SLIT2: variants seen among roughly 807,000 people sequenced by gnomAD.
SLIT2 encodes the protein slit homolog 2 protein.
Under a neutral mutation model 185.7 loss-of-function variants are expected in SLIT2, and 41 were observed. That is an observed-to-expected ratio of 0.22 (90% CI 0.17 to 0.29). SLIT2 has a LOEUF of 0.29. Among genes scored for constraint, SLIT2 ranks in the 10% least tolerant of loss-of-function variants. The probability of loss-of-function intolerance (pLI) is 1.00; values close to 1 mark genes in which losing one functional copy is unlikely to be tolerated. For missense variants in SLIT2, 1,571 were observed against 1,909.0 expected (o/e 0.82, Z 3.30); for synonymous variants, 693 against 680.2 (o/e 1.02, Z -0.29).
At chr4:20,553,478 G>T (rs1268573746) in intron 25 of SLIT2, among the ~76,000 whole-genome samples, 1 of 152,190 alleles carries the variant, frequency 6.6e-6, no homozygotes, top group East Asian at 1.9e-4. Flanking sequence ...ATTGGTGAAT[G>T]AAATAGTAAT....
chr4:20,269,009 T>C, intron 4 of SLIT2, 128 bp downstream of exon 4: 2 of 640,322 alleles, frequency 3.1e-6, no homozygotes, highest in Non-Finnish European at 5.6e-6. Context: ...TAAAAGTTTG[T>C]GTTTTTTCTT....
chr4:20,544,619 T>G (rs149274362), intron 21 of SLIT2, among the ~76,000 whole-genome samples: 17 of 152,150 alleles, frequency 1.1e-4, no homozygotes, highest in Non-Finnish European at 2.4e-4. Flanking sequence ...GAATCCTTCT[T>G]AGCAGTAACA....
At chr4:20,260,333 T>A (rs1438690771) in intron 3 of SLIT2, among the ~76,000 whole-genome samples, 1 of 151,818 alleles carries the variant, frequency 6.6e-6, no homozygotes, top group African/African-American at 2.4e-5. Context: ...ATATGGTTTT[T>A]AAGAATTTAG....
intron 29 of SLIT2, among the ~76,000 whole-genome samples, chr4:20,578,206 T>A (rs1726230345): frequency 6.6e-6 from 1 of 152,192 alleles, no homozygotes; most frequent in Admixed American, 6.6e-5. Flanking sequence ...CCAGCACTAG[T>A]TTGTGCCACT....
chr4:20,292,268 G>C (rs1005952873), intron 4 of SLIT2, among the ~76,000 whole-genome samples: 2 of 152,196 alleles, frequency 1.3e-5, no homozygotes, highest in Non-Finnish European at 2.9e-5. Flanking sequence ...GACACGTTTT[G>C]TGTCTGAACA....
intron 26 of SLIT2, among the ~76,000 whole-genome samples, chr4:20,565,882 C>T (rs956806886): frequency 5.3e-5 from 8 of 152,006 alleles, no homozygotes; most frequent in Non-Finnish European, 1.0e-4. Flanking sequence ...CTACAGGACA[C>T]TATCATTTTC....
In SLIT2 at chr4:20,510,171, T is replaced by C. The variant is rs748274075; in HGVS notation, c.915-324T>C. On this transcript the variant is annotated intron_variant, in intron 9 of 36. Transcript: ENST00000504154. ...TATTTCTACCTATTTCTCTAACTTA[T>C]ATTAAGTTAATTAAAATGTACTCCT... is the stretch of plus-strand genomic sequence containing the variant. 4.0e-5 allele frequency among the ~76,000 whole-genome samples: 4 copies of C among 100,780 alleles called. No homozygotes were observed. The South Asian group carries it at 8.5e-4, about 21-fold the overall frequency. 66.1% of individuals were successfully genotyped at this position (100,780 alleles called of 152,430 possible). A position where few individuals can be genotyped will look rare whatever the true frequency, so the allele number is the denominator to read the frequency against.
chr4:20,495,384 G>A (rs1342915089), intron 9 of SLIT2, among the ~76,000 whole-genome samples: 11 of 152,112 alleles, frequency 7.2e-5, no homozygotes, highest in African/African-American at 9.7e-5. Flanking sequence ...ACACAGGAGC[G>A]AATTGGTCAA....
chr4:20,459,234 C>T (rs80011284), intron 4 of SLIT2, among the ~76,000 whole-genome samples: 17 of 151,804 alleles, frequency 1.1e-4, no homozygotes, highest in Non-Finnish European at 2.4e-4. Context: ...TATTCCATAT[C>T]GAATTTTATT....
At chr4:20,432,806 T>C (rs1729091157) in intron 4 of SLIT2, among the ~76,000 whole-genome samples, 1 of 152,150 alleles carries the variant, frequency 6.6e-6, no homozygotes, top group African/African-American at 2.4e-5. Flanking sequence ...ATTGCAAAAA[T>C]AAATCTTGAA....
intron 4 of SLIT2, among the ~76,000 whole-genome samples, chr4:20,420,735 A>G (rs1577623464): frequency 6.6e-6 from 1 of 152,114 alleles, no homozygotes; most frequent in Non-Finnish European, 1.5e-5. Context: ...CTAACCTCCA[A>G]TGCAGTGGTA....
chr4:20,421,945 C>T (rs1728203387), intron 4 of SLIT2, among the ~76,000 whole-genome samples: 1 of 152,122 alleles, frequency 6.6e-6, no homozygotes. Context: ...TAGGGATCTA[C>T]AGGAATTGTT....
At chr4:20,340,644 G>A (rs1258924056) in intron 4 of SLIT2, among the ~76,000 whole-genome samples, 3 of 151,858 alleles carry the variant, frequency 2.0e-5, no homozygotes, top group Non-Finnish European at 2.9e-5. Context: ...TCTGTCCCCC[G>A]GGCTGGAGTG....
At position 20,595,852 on chromosome 4, in the gene SLIT2, T is replaced by C; in HGVS notation, c.3320+18T>C. Reference sequence around the variant, plus strand: ...GGTTACAGGTAAAAGCAGAAATGAATAAGACCTAGTGTTCAATAAGACCTA... The same window carrying C: ...GGTTACAGGTAAAAGCAGAAATGAACAAGACCTAGTGTTCAATAAGACCTA... On this transcript the variant is annotated intron_variant, in intron 31 of 36. Coordinates refer to ENST00000504154, the MANE Select transcript of SLIT2 (RefSeq NM_004787.4). The C allele has an allele frequency of 6.2e-7, 1 of 1,609,722 alleles. No individual in the cohort carries two copies. The highest frequency in any genetic ancestry group is 1.3e-5 in the African/African-American group (1 of 74,950).
chr4:20,563,050 G>A (rs1317859340), intron 26 of SLIT2, among the ~76,000 whole-genome samples: 1 of 151,776 alleles, frequency 6.6e-6, no homozygotes, highest in Non-Finnish European at 1.5e-5. Context: ...AAGCTAGTCT[G>A]CCTACAGGCT....
intron 4 of SLIT2, among the ~76,000 whole-genome samples, chr4:20,289,209 GT>G (rs779468902): frequency 6.6e-5 from 10 of 152,098 alleles, no homozygotes; most frequent in Admixed American, 1.3e-4. Context: ...TCAGTTTTCT[GT>G]TACAGCATTT....
intron 16 of SLIT2, among the ~76,000 whole-genome samples, chr4:20,531,435 AG>A (rs1221678458): frequency 1.3e-5 from 2 of 152,232 alleles, no homozygotes; most frequent in Non-Finnish European, 2.9e-5. Flanking sequence ...AAAAGCAAAA[AG>A]TAACCTAGTG....
chr4:20,342,656 C>T (rs1218701004), intron 4 of SLIT2, among the ~76,000 whole-genome samples: 1 of 150,838 alleles, frequency 6.6e-6, no homozygotes, highest in African/African-American at 2.4e-5. Context: ...CCTTTTTTAA[C>T]CTCTTAAAAT....
intron 4 of SLIT2, among the ~76,000 whole-genome samples, chr4:20,392,740 T>A (rs1274018981): frequency 6.6e-6 from 1 of 152,046 alleles, no homozygotes; most frequent in Non-Finnish European, 1.5e-5. Flanking sequence ...CAAACACATA[T>A]ATTAGCCTAG....
Sources: gnomAD v4.1 joint callset for allele counts (sites outside exome capture counted in the v4.1 genomes callset) on GRCh38, gnomAD v4.1.1 for gene constraint, MANE v1.5 for transcripts, NCBI Gene and HGNC (gene_info 2026-07-23, HGNC 2026-07-21) for gene names.